Variants in SCAPER observed in about 807,000 individuals in gnomAD.
The protein encoded by SCAPER is S phase cyclin A-associated protein in the endoplasmic reticulum.
Under a neutral mutation model 182.2 loss-of-function variants are expected in SCAPER, and 98 were observed. The ratio of observed to expected loss-of-function variants is 0.54; its 90% confidence interval spans 0.46 to 0.64. The LOEUF is 0.64. Among genes scored for constraint, SCAPER ranks in the 30% least tolerant of loss-of-function variants. SCAPER has a pLI of 0.00. For synonymous variants in SCAPER, 605 were observed against 564.6 expected (o/e 1.07, Z -1.01); for missense variants, 1,432 against 1,690.0 (o/e 0.85, Z 2.68).
chr15:76,826,763 G>C (rs1044442180), intron 5 of SCAPER, among the ~76,000 whole-genome samples: 2 of 152,134 alleles, frequency 1.3e-5, no homozygotes, highest in African/African-American at 4.8e-5. Flanking sequence ...ACCCAAAACA[G>C]TGCATGTTGT....
chr15:76,724,598 CA>C (rs2060473506), intron 17 of SCAPER, among the ~76,000 whole-genome samples: 1 of 152,124 alleles, frequency 6.6e-6, no homozygotes, highest in Admixed American at 6.6e-5. Flanking sequence ...CACATAGTCC[CA>C]TATTTCTTGG....
chr15:76,424,349 A>G (rs1007287549), intron 26 of SCAPER, among the ~76,000 whole-genome samples: 7 of 152,190 alleles, frequency 4.6e-5, no homozygotes, highest in African/African-American at 1.7e-4. Context: ...TTCTTGTTGA[A>G]TTGATCCCTT....
chr15:76,443,878 AG>A (rs2047799490), intron 25 of SCAPER, among the ~76,000 whole-genome samples: 1 of 152,256 alleles, frequency 6.6e-6, no homozygotes. Flanking sequence ...GCACAATCAA[AG>A]CAATGGCTAC....
chr15:76,551,640 A>G (rs894742439), intron 23 of SCAPER, among the ~76,000 whole-genome samples: 11 of 152,176 alleles, frequency 7.2e-5, no homozygotes, highest in Admixed American at 3.9e-4. Flanking sequence ...ATTCTATTGC[A>G]CAGTAGGGTG....
intron 20 of SCAPER, among the ~76,000 whole-genome samples, chr15:76,669,430 G>A (rs371208111): frequency 1.1e-4 from 17 of 152,208 alleles, no homozygotes; most frequent in Admixed American, 5.2e-4. Context: ...AGAAAACAGC[G>A]AGTGGCAGGG....
chr15:76,415,760 C>A (rs1394481764), intron 26 of SCAPER, among the ~76,000 whole-genome samples: 1 of 151,884 alleles, frequency 6.6e-6, no homozygotes, highest in African/African-American at 2.4e-5. Context: ...CAGTGATATA[C>A]CACTTGGGAG....
intron 8 of SCAPER, among the ~76,000 whole-genome samples, chr15:76,786,326 C>CAA (rs35708368): frequency 0.38 from 41,723 of 110,564 alleles, 9,036 homozygotes; most frequent in Middle Eastern, 0.51. Context: ...GACTCTGTCT[C>CAA]AAAAAAAAAA....
Position 76,404,629 on chromosome 15 carries a change from G to A in SCAPER, c.3362C>T (p.Ser1121Leu), listed in dbSNP as rs774738622. Residue 1121 changes from serine (S) to leucine (L), a missense_variant, in exon 27 of 32, where the codon TCG becomes TTG. By Grantham distance (145) the Ser-to-Leu change is moderately radical. This residue lies in a region of SCAPER where 718 missense variants were observed against 799.7 expected (regional missense o/e 0.90). Transcript: ENST00000563290. ...LIDKLCACFL[S>L]VQGPVDENPK... Reference sequence around the variant, plus strand: ...ATTCTCATCCACTGGGCCTTGCACCGAGAGGAAGCAGGCACACAGTTTGTC... The same window carrying A: ...ATTCTCATCCACTGGGCCTTGCACCAAGAGGAAGCAGGCACACAGTTTGTC... 27 of 1,613,074 alleles carry A rather than the reference G, an allele frequency of 1.7e-5. No individual in the cohort carries two copies. The South Asian group carries it at 2.1e-4, about 12-fold the overall frequency.
At chr15:76,449,370 T>C (rs2048218903) in intron 25 of SCAPER, among the ~76,000 whole-genome samples, 1 of 152,212 alleles carries the variant, frequency 6.6e-6, no homozygotes, top group Non-Finnish European at 1.5e-5. Flanking sequence ...ATTCTATACC[T>C]TAGATGAAAG....
In SCAPER at chr15:76,523,743, T is replaced by C. The variant is rs544935853; in HGVS notation, c.2839-18769A>G. 7.2e-5 allele frequency among the ~76,000 whole-genome samples: 11 copies of C among 152,212 alleles called. No homozygotes were observed. In the East Asian group the frequency reaches 2.1e-3, roughly 29 times the overall value. ...TTTACTTTTTTTTGAAGAAAATACA[T>C]ACTTTATATATGAAAAATAACTACT... On this transcript the variant is annotated intron_variant, in intron 23 of 31. Coordinates refer to ENST00000563290, the MANE Select transcript of SCAPER (RefSeq NM_020843.4).
At chr15:76,512,445 G>T (rs56136313) in intron 23 of SCAPER, among the ~76,000 whole-genome samples, 12,116 of 151,688 alleles carry the variant, frequency 0.08, 687 homozygotes, top group Non-Finnish European at 0.12. Flanking sequence ...TTTAGGTACT[G>T]ACATCTCTCA....
At chr15:76,625,658 T>C (rs1219840863) in intron 21 of SCAPER, among the ~76,000 whole-genome samples, 1 of 152,018 alleles carries the variant, frequency 6.6e-6, no homozygotes, top group Non-Finnish European at 1.5e-5. Context: ...GGCTCAGGAG[T>C]ATGTGAGGCC....
chr15:76,862,399 A>C lies in SCAPER; in HGVS notation c.124+17T>G. On this transcript the variant is annotated intron_variant, in intron 3 of 31. Coordinates refer to ENST00000563290, the MANE Select transcript of SCAPER (RefSeq NM_020843.4). ...CTTATTTACAACAAAAATGAAACTA[A>C]TTTTTTAAATACATACCATCATCAT... 6.5e-7 allele frequency: 1 copy of C among 1,531,600 alleles called. No homozygotes were observed. Among genetic ancestry groups the C allele is most frequent in the Non-Finnish European group, 9.0e-7 (1 of 1,110,574 alleles). 94.9% of individuals were successfully genotyped at this position (1,531,600 alleles called of 1,614,324 possible).
chr15:76,875,286 T>C (rs1480343364), intron 2 of SCAPER, among the ~76,000 whole-genome samples: 2 of 152,180 alleles, frequency 1.3e-5, no homozygotes, highest in African/African-American at 4.8e-5. Flanking sequence ...GAAACATAAA[T>C]TATAATTTAA....
At chr15:76,891,579 T>A (rs1425432450) in intron 1 of SCAPER, among the ~76,000 whole-genome samples, 1 of 152,058 alleles carries the variant, frequency 6.6e-6, no homozygotes, top group African/African-American at 2.4e-5. Flanking sequence ...ACAAACAGAA[T>A]AAAATATCTA....
intron 23 of SCAPER, among the ~76,000 whole-genome samples, chr15:76,573,148 CA>C (rs2047568303): frequency 6.6e-6 from 1 of 151,966 alleles, no homozygotes; most frequent in East Asian, 1.9e-4. Flanking sequence ...CATTATTTAA[CA>C]AAACATTTAT....
At chr15:76,471,157 G>T in intron 25 of SCAPER, 55 bp downstream of exon 25, 1 of 1,420,248 alleles carries the variant, frequency 7.0e-7, no homozygotes. Context: ...TTTCTCCACA[G>T]GGACTATTTC....
intron 24 of SCAPER, among the ~76,000 whole-genome samples, chr15:76,491,070 T>C (rs1344479353): frequency 6.6e-6 from 1 of 152,122 alleles, no homozygotes; most frequent in Non-Finnish European, 1.5e-5. Context: ...GTGCTGAAAA[T>C]TTCTGGTGAT....
intron 20 of SCAPER, among the ~76,000 whole-genome samples, chr15:76,693,895 C>A (rs1382968120): frequency 6.6e-6 from 1 of 152,048 alleles, no homozygotes; most frequent in East Asian, 1.9e-4. Context: ...AAAAAGAGTT[C>A]TGTGGATTAA....
Sources: gnomAD v4.1 joint callset for allele counts (sites outside exome capture counted in the v4.1 genomes callset) on GRCh38, gnomAD v4.1.1 for gene constraint, gnomAD v4.1.1 regional missense constraint, MANE v1.5 for transcripts, NCBI Gene and HGNC (gene_info 2026-07-23, HGNC 2026-07-21) for gene names.